The following CACNB4 variants were observed in gnomAD, a reference collection of about 807,000 sequenced individuals.
The protein encoded by CACNB4 is calcium voltage-gated channel auxiliary subunit beta 4, also known as voltage-dependent L-type calcium channel subunit beta-4.
A neutral mutation model predicts 71.2 loss-of-function variants in CACNB4; 32 were observed. That is an observed-to-expected ratio of 0.45 (90% confidence interval 0.34 to 0.60). CACNB4 has a LOEUF of 0.60. Among genes scored for constraint, CACNB4 ranks in the 20% least tolerant of loss-of-function variants. The pLI is 0.01. For missense variants in CACNB4, 464 were observed against 647.9 expected (o/e 0.72, Z 3.08); for synonymous variants, 231 against 236.9 (o/e 0.97, Z 0.23).
At chr2:151,978,432 T>C (rs574969064) in intron 2 of CACNB4, among the ~76,000 whole-genome samples, 3 of 152,054 alleles carry the variant, frequency 2.0e-5, no homozygotes, top group Non-Finnish European at 2.9e-5. Context: ...GTAACAAGAA[T>C]ACCATGAAGC....
At chr2:151,946,574 T>A (rs2099865672) in intron 2 of CACNB4, among the ~76,000 whole-genome samples, 1 of 152,194 alleles carries the variant, frequency 6.6e-6, no homozygotes, top group Non-Finnish European at 1.5e-5. Context: ...AATGAGATCA[T>A]CAATTTAGCA....
At chr2:151,914,933 C>G (rs1410709097) in intron 2 of CACNB4, among the ~76,000 whole-genome samples, 1 of 152,130 alleles carries the variant, frequency 6.6e-6, no homozygotes, top group Non-Finnish European at 1.5e-5. Flanking sequence ...TCTGACAACC[C>G]CTGTTGGAGG....
chr2:151,860,392 A>G, intron 10 of CACNB4: 2 of 354,244 alleles, frequency 5.6e-6, no homozygotes, highest in South Asian at 6.6e-5. Context: ...TATGACAGAT[A>G]TCATTAGCCT....
intron 2 of CACNB4, among the ~76,000 whole-genome samples, chr2:151,886,032 C>G (rs956432130): frequency 6.6e-6 from 1 of 152,110 alleles, no homozygotes; most frequent in Non-Finnish European, 1.5e-5. Context: ...AGGCTGGTCT[C>G]AAACTCCTAG....
chr2:151,883,389 T>G lies in CACNB4; in HGVS notation c.148-19A>C. 1 of 1,613,266 alleles carries G rather than the reference T, an allele frequency of 6.2e-7. No homozygotes were observed. Among genetic ancestry groups the G allele is most frequent in the East Asian group, 2.2e-5 (1 of 44,868 alleles). ...CTGAACCCTGGCAAAGAAAATAGAA[T>G]AGTTTCAGATGATGTGTAGCTTCTT... On this transcript the variant is annotated intron_variant, in intron 2 of 13. Coordinates refer to ENST00000539935, the MANE Select transcript of CACNB4 (RefSeq NM_000726.5).
intron 12 of CACNB4, among the ~76,000 whole-genome samples, chr2:151,846,646 G>T (rs963966847): frequency 6.6e-6 from 1 of 152,046 alleles, no homozygotes; most frequent in Admixed American, 6.6e-5. Context: ...TTAATCTCTG[G>T]GGCTCGGGTG....
chr2:151,845,015 A>C (rs563542274), intron 12 of CACNB4, among the ~76,000 whole-genome samples: 2 of 152,226 alleles, frequency 1.3e-5, no homozygotes, highest in Non-Finnish European at 2.9e-5. Flanking sequence ...TGACATTCAC[A>C]GCCAGGATTG....
At chr2:151,878,584 T>TCACACACACACACAC (rs1381700918) in intron 4 of CACNB4, among the ~76,000 whole-genome samples, 7,043 of 28,094 alleles carry the variant, frequency 0.25, 259 homozygotes, top group Non-Finnish European at 0.36. Flanking sequence ...CACACACAGT[T>TCACACACACACACAC]AGCTGGGTAT....
chr2:152,076,036 CAT>C (rs1686988920), intron 2 of CACNB4, among the ~76,000 whole-genome samples: 1 of 151,548 alleles, frequency 6.6e-6, no homozygotes, highest in Non-Finnish European at 1.5e-5. Context: ...TGCATTTTGT[CAT>C]AAGGTCTTTT....
intron 11 of CACNB4, among the ~76,000 whole-genome samples, chr2:151,854,635 T>C (rs759415225): frequency 2.2e-4 from 34 of 152,242 alleles, no homozygotes; most frequent in Non-Finnish European, 3.7e-4. Flanking sequence ...AGAAACCAAT[T>C]TGGGGCTATT....
At chr2:152,006,980 G>A (rs1044578758) in intron 2 of CACNB4, among the ~76,000 whole-genome samples, 2 of 152,076 alleles carry the variant, frequency 1.3e-5, no homozygotes, top group African/African-American at 4.8e-5. Context: ...TTTCTCAGTT[G>A]TGTCATCTAT....
At chr2:152,096,327 CA>C (rs34280557) in intron 2 of CACNB4, among the ~76,000 whole-genome samples, 24,925 of 151,848 alleles carry the variant, frequency 0.16, 2,776 homozygotes, top group East Asian at 0.56. Context: ...ACTAAAAATA[CA>C]AAAAAGTTAG....
intron 2 of CACNB4, among the ~76,000 whole-genome samples, chr2:151,952,262 T>C (rs2099867094): frequency 1.3e-5 from 2 of 152,116 alleles, no homozygotes; most frequent in African/African-American, 4.8e-5. Context: ...AAAGCAGCCC[T>C]GAAACAGTCC....
chr2:152,050,392 T>A (rs1470474565), intron 2 of CACNB4, among the ~76,000 whole-genome samples: 1 of 152,156 alleles, frequency 6.6e-6, no homozygotes, highest in African/African-American at 2.4e-5. Context: ...ATGAGCCACA[T>A]CAAATGCAAC....
At chr2:152,006,836 C>T (rs1022080243) in intron 2 of CACNB4, among the ~76,000 whole-genome samples, 1 of 152,182 alleles carries the variant, frequency 6.6e-6, no homozygotes, top group Non-Finnish European at 1.5e-5. Flanking sequence ...CTTTCCTTAG[C>T]CAGCTCCTAT....
chr2:152,026,498 C>T (rs1267893519), intron 2 of CACNB4, among the ~76,000 whole-genome samples: 1 of 151,984 alleles, frequency 6.6e-6, no homozygotes, highest in African/African-American at 2.4e-5. Context: ...GATTCTCATG[C>T]CTCAGCCCCC....
intron 2 of CACNB4, among the ~76,000 whole-genome samples, chr2:151,910,798 T>C (rs2099855978): frequency 6.6e-6 from 1 of 152,240 alleles, no homozygotes; most frequent in Non-Finnish European, 1.5e-5. Context: ...TTTGATTCCA[T>C]ATGAAATTTA....
intron 2 of CACNB4, among the ~76,000 whole-genome samples, chr2:151,987,985 AT>A (rs769146977): frequency 7.9e-5 from 12 of 152,344 alleles, no homozygotes; most frequent in Non-Finnish European, 1.8e-4. Context: ...AAATGATTCC[AT>A]TAAATAATTT....
At chr2:151,966,773 T>C (rs945284997) in intron 2 of CACNB4, among the ~76,000 whole-genome samples, 4 of 152,168 alleles carry the variant, frequency 2.6e-5, no homozygotes, top group South Asian at 2.1e-4. Context: ...TCAGAACCTA[T>C]AGAAGGAGGA....
Sources: gnomAD v4.1 joint callset for allele counts (sites outside exome capture counted in the v4.1 genomes callset) on GRCh38, gnomAD v4.1.1 for gene constraint, MANE v1.5 for transcripts, NCBI Gene and HGNC (gene_info 2026-07-23, HGNC 2026-07-21) for gene names.